SLIT3: variants seen among roughly 807,000 people sequenced by gnomAD.
SLIT3 encodes the protein slit homolog 3 protein.
SLIT3 carries 68 observed loss-of-function variants against 184.0 expected under a neutral mutation model. The ratio of observed to expected loss-of-function variants is 0.37; its 90% CI spans 0.30 to 0.45. The LOEUF is 0.45. Ranked by LOEUF, SLIT3 falls within the 20% of genes least tolerant of loss-of-function variation. The pLI is 1.00. For synonymous variants in SLIT3, 831 were observed against 828.6 expected, an observed-to-expected ratio of 1.00 and a Z score of -0.05; for missense variants, 1,707 against 2,026.0, an observed-to-expected ratio of 0.84 and a Z score of 3.02.
At chr5:169,172,028 T>C (rs566782254) in intron 4 of SLIT3, among the ~76,000 whole-genome samples, 26 of 152,204 alleles carry the variant, frequency 1.7e-4, no homozygotes, top group African/African-American at 6.3e-4. Context: ...TTCTAGCAAA[T>C]CAGAGGAAGC....
chr5:168,764,443 C>CTT (rs1159422693), intron 14 of SLIT3, among the ~76,000 whole-genome samples: 7 of 152,326 alleles, frequency 4.6e-5, no homozygotes, highest in African/African-American at 1.7e-4. Flanking sequence ...TGTTTTGCTG[C>CTT]AGACTTGCTT....
Position 168,936,479 on chromosome 5 carries a change from C to T in SLIT3, c.414-53143G>A, listed in dbSNP as rs560420941. On this transcript the variant is annotated intron_variant, in intron 4 of 35. Coordinates refer to ENST00000519560, the MANE Select transcript of SLIT3 (RefSeq NM_003062.4). Reference sequence around the variant, plus strand: ...CGAACTCCTGACCTCGTGATCCACCCGCCTAGGCCTCCCAAAGTGCTGGGA... The same window carrying T: ...CGAACTCCTGACCTCGTGATCCACCTGCCTAGGCCTCCCAAAGTGCTGGGA... 2.6e-5 allele frequency among the ~76,000 whole-genome samples: 4 copies of T among 152,250 alleles called. No individual in the cohort carries two copies. The East Asian group carries it at 7.7e-4, about 29-fold the overall frequency.
At chr5:168,762,759 G>C (rs532336545) in intron 14 of SLIT3, 70 bp from the exon 15 acceptor site, 1 of 1,516,804 alleles carries the variant, frequency 6.6e-7, no homozygotes, top group African/African-American at 1.4e-5. Context: ...TGTGGGTAGT[G>C]GGGGTGGGAG....
At chr5:169,041,131 C>A (rs757792162) in intron 4 of SLIT3, among the ~76,000 whole-genome samples, 10 of 152,222 alleles carry the variant, frequency 6.6e-5, no homozygotes, top group Non-Finnish European at 1.3e-4. Flanking sequence ...TCATTCAAAT[C>A]AATTCTGATA....
chr5:169,135,103 G>T (rs2161114), intron 4 of SLIT3, among the ~76,000 whole-genome samples: 50,597 of 152,096 alleles, frequency 0.33, 8,834 homozygotes, highest in Middle Eastern at 0.46. Flanking sequence ...TGATCAGTGT[G>T]TTTTGTTTGT....
At chr5:168,837,927 C>G (rs981890786) in intron 6 of SLIT3, among the ~76,000 whole-genome samples, 1 of 152,222 alleles carries the variant, frequency 6.6e-6, no homozygotes, top group Non-Finnish European at 1.5e-5. Flanking sequence ...TGAGAGGACT[C>G]TAACCCCTCC....
At chr5:168,890,137 TAAAAAAA>T (rs56267999) in intron 4 of SLIT3, among the ~76,000 whole-genome samples, 4 of 98,666 alleles carry the variant, frequency 4.1e-5, no homozygotes, top group Non-Finnish European at 5.8e-5. Flanking sequence ...AGACTCCATC[TAAAAAAA>T]AAAAAAAAAA....
intron 4 of SLIT3, among the ~76,000 whole-genome samples, chr5:169,110,199 G>A (rs554180387): frequency 5.9e-5 from 9 of 152,094 alleles, no homozygotes; most frequent in East Asian, 3.9e-4. Flanking sequence ...CCTATCTTCT[G>A]TGGCTACTTT....
At chr5:168,772,584 G>T in intron 14 of SLIT3, 197 bp downstream of exon 14, 3 of 598,242 alleles carry the variant, frequency 5.0e-6, no homozygotes, top group Non-Finnish European at 5.9e-6. Context: ...GTGTGTGTGT[G>T]TGTGTGTGTG....
At chr5:168,966,063 T>TA (rs1763178051) in intron 4 of SLIT3, among the ~76,000 whole-genome samples, 1 of 152,178 alleles carries the variant, frequency 6.6e-6, no homozygotes, top group Non-Finnish European at 1.5e-5. Flanking sequence ...ATATTGATTA[T>TA]GAGATACGAT....
chr5:169,016,993 C>T (rs934262599), intron 4 of SLIT3, among the ~76,000 whole-genome samples: 1 of 152,148 alleles, frequency 6.6e-6, no homozygotes, highest in Non-Finnish European at 1.5e-5. Flanking sequence ...AATCCAGCTC[C>T]GTCTCTAAGC....
At chr5:169,132,689 A>G (rs1452525309) in intron 4 of SLIT3, among the ~76,000 whole-genome samples, 1 of 152,246 alleles carries the variant, frequency 6.6e-6, no homozygotes, top group Non-Finnish European at 1.5e-5. Context: ...CTGTATGTCT[A>G]TTCTATTTTC....
chr5:169,289,888 C>T (rs1001679892), intron 1 of SLIT3, among the ~76,000 whole-genome samples: 1 of 152,310 alleles, frequency 6.6e-6, no homozygotes, highest in Non-Finnish European at 1.5e-5. Flanking sequence ...TTCACTAGGG[C>T]ACACACTAGG....
intron 4 of SLIT3, among the ~76,000 whole-genome samples, chr5:169,157,682 A>G (rs2113384060): frequency 6.6e-6 from 1 of 152,380 alleles, no homozygotes; most frequent in Admixed American, 6.5e-5. Context: ...GCAGTGAATA[A>G]GAAAAAACCA....
intron 4 of SLIT3, among the ~76,000 whole-genome samples, chr5:169,175,102 G>T (rs1174740181): frequency 1.1e-4 from 16 of 152,170 alleles, no homozygotes; most frequent in Admixed American, 5.2e-4. Context: ...AACAATGACG[G>T]CAATGATGGA....
chr5:169,194,961 G>A (rs1581041393), intron 3 of SLIT3, among the ~76,000 whole-genome samples: 2 of 152,142 alleles, frequency 1.3e-5, no homozygotes, highest in Admixed American at 6.5e-5. Flanking sequence ...AGCCTAGCAA[G>A]GGAAACAGGA....
At chr5:169,113,536 G>C (rs1284754817) in intron 4 of SLIT3, among the ~76,000 whole-genome samples, 1 of 152,048 alleles carries the variant, frequency 6.6e-6, no homozygotes, top group Non-Finnish European at 1.5e-5. Flanking sequence ...GATGAATATG[G>C]GTGTACAAAT....
chr5:168,987,275 T>C (rs1334384113), intron 4 of SLIT3, among the ~76,000 whole-genome samples: 1 of 152,204 alleles, frequency 6.6e-6, no homozygotes, highest in Non-Finnish European at 1.5e-5. Flanking sequence ...TTTGCATTCT[T>C]CCTTTATGTT....
chr5:169,164,040 C>T (rs1192931313), intron 4 of SLIT3, among the ~76,000 whole-genome samples: 1 of 152,182 alleles, frequency 6.6e-6, no homozygotes, highest in East Asian at 1.9e-4. Flanking sequence ...GACTCCAACC[C>T]CACACTCACC....
Sources: allele counts gnomAD v4.1 joint callset (sites outside exome capture counted in the v4.1 genomes callset), GRCh38; gene constraint gnomAD v4.1.1; transcripts MANE v1.5; gene names NCBI Gene and HGNC (gene_info 2026-07-23, HGNC 2026-07-21).